PLCH2: variants seen among roughly 807,000 people sequenced by gnomAD.
The protein encoded by PLCH2 is phospholipase C eta 2.
In PLCH2, 98 loss-of-function variants were observed where a neutral mutation model predicts 134.7. That is an observed-to-expected ratio of 0.73 (90% CI 0.62 to 0.86). The LOEUF (loss-of-function observed/expected upper bound fraction) is 0.86. Ranked by LOEUF, PLCH2 falls within the 40% of genes least tolerant of loss-of-function variation. PLCH2 has a pLI of 0.00. For synonymous variants in PLCH2, 974 were observed against 827.5 expected (o/e 1.18, Z -3.04); for missense variants, 1,994 against 1,986.6 (o/e 1.00, Z -0.07).
chr1:2,450,249 C>T (rs1220611296), intron 2 of PLCH2, among the ~76,000 whole-genome samples: 1 of 152,128 alleles, frequency 6.6e-6, no homozygotes, highest in African/African-American at 2.4e-5. Flanking sequence ...AAAATGTGAT[C>T]CTTCGAGAGC....
intron 21 of PLCH2, chr1:2,503,275 C>A (rs1266978349): frequency 1.8e-6 from 1 of 564,366 alleles, no homozygotes; most frequent in Non-Finnish European, 3.2e-6. Flanking sequence ...CCTGCATGGC[C>A]CCTGATGCCT....
At chr1:2,487,117 C>A (rs1642328018) in intron 6 of PLCH2, 56 bp from the exon 7 acceptor site, 2 of 1,513,600 alleles carry the variant, frequency 1.3e-6, no homozygotes, top group Middle Eastern at 1.7e-4. Context: ...GGCAGGTGGT[C>A]ATGAGACGAG....
intron 2 of PLCH2, among the ~76,000 whole-genome samples, chr1:2,446,593 C>G (rs1639953824): frequency 6.6e-6 from 1 of 152,224 alleles, no homozygotes; most frequent in African/African-American, 2.4e-5. Flanking sequence ...AGGAAGGGCT[C>G]CTGGAGATGT....
At position 2,486,581 on chromosome 1, in the gene PLCH2, A is replaced by G. The variant is rs951910057; in HGVS notation, c.817-326A>G. ...CTGGCTCTGCCAAGGGGGCATGAAG[A>G]TTCTTGCTCTCCTGTACCCACCCAC... On this transcript the variant is annotated intron_variant, in intron 5 of 21. Coordinates refer to ENST00000378486, the MANE Select transcript of PLCH2 (RefSeq NM_014638.4). Among the ~76,000 whole-genome samples, 11 of 152,128 alleles carry G rather than the reference A, an allele frequency of 7.2e-5. 1 individual carries two copies. The highest frequency in any genetic ancestry group is 5.2e-4 in the Admixed American group (8 of 15,280).
Position 2,479,816 on chromosome 1 carries a change from C to T in PLCH2, c.354C>T (p.Pro118=), listed in dbSNP as rs772277347. 1.2e-6 allele frequency: 2 copies of T among 1,602,830 alleles called. No individual in the cohort carries two copies. The highest frequency in any genetic ancestry group is 1.7e-6 in the Non-Finnish European group (2 of 1,175,590). ...FQRYPDGSFD[P]NCCFSIYHGS... is the part of the protein sequence containing the mutation. ...GCTACCCTGACGGCAGCTTCGACCC[C>T]AACTGCTGCTTCAGCATCTACCACG... The change falls in exon 3 of 22, where the codon CCC becomes CCT. Residue 118 remains proline, a synonymous_variant. Transcript: ENST00000378486.
intron 5 of PLCH2, among the ~76,000 whole-genome samples, chr1:2,486,351 C>G (rs543820434): frequency 6.1e-4 from 93 of 152,338 alleles, no homozygotes; most frequent in Middle Eastern, 6.8e-3. Context: ...ACCATGTTCC[C>G]AGGGACCTCC....
chr1:2,435,993 CCTCCCT>C, intron 2 of PLCH2, among the ~76,000 whole-genome samples: 1 of 132,694 alleles, frequency 7.5e-6, no homozygotes, highest in Non-Finnish European at 1.7e-5. Flanking sequence ...CTTCTCCCCT[CCTCCCT>C]TCCTCCCGCT....
chr1:2,499,499 G>A, intron 19 of PLCH2, 142 bp from the exon 20 acceptor site: 1 of 725,446 alleles, frequency 1.4e-6, no homozygotes, highest in Non-Finnish European at 2.4e-6. Context: ...GTAGTGCTGG[G>A]CCCACAGGAG....
chr1:2,458,061 G>A (rs1640583465), intron 2 of PLCH2, among the ~76,000 whole-genome samples: 1 of 152,124 alleles, frequency 6.6e-6, no homozygotes, highest in Admixed American at 6.5e-5. Flanking sequence ...GGGCTGACTG[G>A]CCCCAGGCTG....
At chr1:2,485,258 G>A (rs1210195447) in intron 5 of PLCH2, among the ~76,000 whole-genome samples, 1 of 152,090 alleles carries the variant, frequency 6.6e-6, no homozygotes, top group Non-Finnish European at 1.5e-5. Flanking sequence ...ATTTCCAGAG[G>A]TTCAGGGCTC....
chr1:2,425,688 G>GT (rs1570187986), upstream of PLCH2, among the ~76,000 whole-genome samples: 2 of 145,718 alleles, frequency 1.4e-5, no homozygotes, highest in South Asian at 2.3e-4. Flanking sequence ...TAATTTTGGT[G>GT]TGTTTTTTTT....
At chr1:2,484,936 T>C (rs1050873635) in intron 5 of PLCH2, among the ~76,000 whole-genome samples, 1 of 152,140 alleles carries the variant, frequency 6.6e-6, no homozygotes, top group African/African-American at 2.4e-5. Context: ...TGGTCCTGAC[T>C]GTGAACACCC....
At chr1:2,490,978 C>T (rs1019345539) in intron 10 of PLCH2, among the ~76,000 whole-genome samples, 1 of 152,254 alleles carries the variant, frequency 6.6e-6, no homozygotes, top group Admixed American at 6.5e-5. Flanking sequence ...GCCGCACAGG[C>T]TCTGCTGGGG....
Position 2,428,316 on chromosome 1 carries a change from C to T in PLCH2, c.-177-2022C>T, listed in dbSNP as rs77862943. Among the ~76,000 whole-genome samples, 420 of 152,322 alleles carry T rather than the reference C, an allele frequency of 2.8e-3. 1 individual carries two copies. The highest frequency in any genetic ancestry group is 9.7e-3 in the African/African-American group (403 of 41,576). The stretch of plus-strand genomic sequence containing the variant: ...AGCAGCAGGCCTCGCTGGGGATGGC[C>T]CCATGACAAGACCAGCCAGTGCTCC... On this transcript the variant is annotated intron_variant, in intron 1 of 3. Coordinates refer to the PLCH2 transcript ENST00000609981.
chr1:2,467,415 G>A (rs906825374), upstream of PLCH2: 1 of 386,146 alleles, frequency 2.6e-6, no homozygotes, highest in African/African-American at 2.1e-5. Context: ...GGCGGTCCCA[G>A]CGGCGGCCCC....
chr1:2,495,077 C>A (rs1352457617), intron 12 of PLCH2, 129 bp downstream of exon 12: 2 of 686,914 alleles, frequency 2.9e-6, no homozygotes, highest in Non-Finnish European at 5.0e-6. Context: ...TGGGCCCTGC[C>A]CCAGCCAGAG....
chr1:2,463,943 C>T (rs1193373988), upstream of PLCH2, among the ~76,000 whole-genome samples: 1 of 152,218 alleles, frequency 6.6e-6, no homozygotes, highest in Non-Finnish European at 1.5e-5. Context: ...ACTGGGGTCT[C>T]CTGAGCTGGC....
At position 2,444,681 on chromosome 1, in the gene PLCH2, G is replaced by A. The variant is rs981567746; in HGVS notation, c.115+14052G>A. On this transcript the variant is annotated intron_variant, in intron 2 of 3. Transcript: ENST00000609981. The surrounding 1 kb of genome is among the most constrained non-coding windows in gnomAD (Gnocchi z 4.6). ...AGGCTTCCCCTCCCCTCCGCTCCCCGCCTCCCACACTGTCTGGTGACACTG... is the reference window on the plus strand; with the variant it reads ...AGGCTTCCCCTCCCCTCCGCTCCCCACCTCCCACACTGTCTGGTGACACTG... Among the ~76,000 whole-genome samples the A allele has an allele frequency of 2.6e-5, 4 of 152,050 alleles. No homozygotes were observed. The highest frequency in any genetic ancestry group is 4.8e-5 in the African/African-American group (2 of 41,394).
In PLCH2 at chr1:2,491,204, C is replaced by T. The variant is rs778675146; in HGVS notation, c.1528C>T (p.Arg510Ter). 17 of 1,612,188 alleles carry T rather than the reference C, an allele frequency of 1.1e-5. No homozygotes were observed. Among genetic ancestry groups the T allele is most frequent in the Admixed American group, 5.0e-5 (3 of 59,864 alleles). Residue 510 changes from arginine to a stop codon, truncating the protein, a stop_gained, in exon 11 of 22, where the codon CGA (arginine) becomes TGA (stop). Transcript: ENST00000378486. LOFTEE classifies it high-confidence loss of function. ...CTGGCTCCTGCAGGCATCCACCAAT[C>T]GAAAGCGTGTAGAAAACACTGCTAA... The part of the protein sequence containing the change: ...KLLNGDASTN[R>*]KRVENTAKRK...
Sources: gnomAD v4.1 joint callset for allele counts (sites outside exome capture counted in the v4.1 genomes callset) on GRCh38, gnomAD v4.1.1 for gene constraint, Gnocchi (gnomAD v3.1) non-coding constraint, MANE v1.5 for transcripts, NCBI Gene and HGNC (gene_info 2026-07-23, HGNC 2026-07-21) for gene names.